DNAH7: variants seen among roughly 807,000 people sequenced by gnomAD.
DNAH7 encodes dynein axonemal heavy chain 7.
In DNAH7, 397 loss-of-function variants were observed where a neutral mutation model predicts 444.6. The ratio of observed to expected loss-of-function variants is 0.89; its 90% CI spans 0.82 to 0.97. The LOEUF (loss-of-function observed/expected upper bound fraction) is 0.97. Ranked by LOEUF, DNAH7 falls within the 50% of genes least tolerant of loss-of-function variation. DNAH7 has a pLI of 0.00. For synonymous variants in DNAH7, 1,636 were observed against 1,624.4 expected, an observed-to-expected ratio of 1.01 and a Z score of -0.17; for missense variants, 4,902 against 4,800.8, an observed-to-expected ratio of 1.02 and a Z score of -0.62.
In DNAH7 at chr2:195,840,563, C is replaced by T. The variant is rs963084860; in HGVS notation, c.8945+4439G>A. On this transcript the variant is annotated intron_variant, in intron 47 of 64. Transcript: ENST00000312428. ...ATTAGAAAGTAGTAAGTTAAACTGT[C>T]ACTAATTGCAAACAGCATGATTGTC... is the stretch of plus-strand genomic sequence containing the variant. Among the ~76,000 whole-genome samples, 4 of 151,674 alleles carry T rather than the reference C, an allele frequency of 2.6e-5. 1 individual carries two copies. The highest frequency in any genetic ancestry group is 1.5e-5 in the Non-Finnish European group (1 of 67,646).
At chr2:196,007,966 A>C (rs2125708706) in intron 10 of DNAH7, among the ~76,000 whole-genome samples, 1 of 152,312 alleles carries the variant, frequency 6.6e-6, no homozygotes, top group African/African-American at 2.4e-5. Flanking sequence ...TTGTGCTTCA[A>C]AGGATACTAT....
chr2:195,890,855 T>A (rs1488620305), intron 31 of DNAH7, among the ~76,000 whole-genome samples: 4 of 152,162 alleles, frequency 2.6e-5, no homozygotes, highest in Admixed American at 6.5e-5. Flanking sequence ...GTAGACAGCA[T>A]CAAGTTTAGA....
At chr2:196,058,863 G>A (rs1418341677) in intron 1 of DNAH7, among the ~76,000 whole-genome samples, 2 of 152,184 alleles carry the variant, frequency 1.3e-5, no homozygotes, top group East Asian at 3.9e-4. Flanking sequence ...AATGTATCAA[G>A]AAGAATCAAA....
At chr2:195,932,840 T>C (rs540025504) in intron 21 of DNAH7, among the ~76,000 whole-genome samples, 11 of 152,280 alleles carry the variant, frequency 7.2e-5, no homozygotes, top group African/African-American at 2.6e-4. Context: ...ATTGAGGATT[T>C]TTGCATCGAT....
intron 27 of DNAH7, chr2:195,904,555 A>G (rs1357267311): frequency 6.6e-6 from 1 of 152,170 alleles, no homozygotes; most frequent in Non-Finnish European, 1.5e-5. Flanking sequence ...AGTTTTTTAA[A>G]GCTGAAGATT....
In DNAH7 at chr2:196,068,487, T is replaced by G. The variant is rs994534480; in HGVS notation, c.15+210A>C. 6 of 658,082 alleles carry G rather than the reference T, an allele frequency of 9.1e-6. 1 individual carries two copies. Among genetic ancestry groups the G allele is most frequent in the African/African-American group, 7.5e-5 (4 of 53,640 alleles). 40.8% of individuals were successfully genotyped at this position (658,082 alleles called of 1,614,324 possible). A position where few individuals can be genotyped will look rare whatever the true frequency, so the allele number is the denominator to read the frequency against. ...GCTAGGCGGCTAGGTTTGGTTGTTA[T>G]GACGACCAAGGGCAAACAGCTGGGA... On this transcript the variant is annotated intron_variant, in intron 1 of 64. Transcript: ENST00000312428.
chr2:195,785,477 G>T (rs1421844630), intron 58 of DNAH7, among the ~76,000 whole-genome samples: 2 of 151,882 alleles, frequency 1.3e-5, no homozygotes, highest in African/African-American at 4.8e-5. Flanking sequence ...CCTGATCTTG[G>T]TGGGAAAGCT....
chr2:195,748,050 T>C (rs985131206), intron 63 of DNAH7, among the ~76,000 whole-genome samples: 1 of 152,230 alleles, frequency 6.6e-6, no homozygotes. Context: ...AAATTGTCCC[T>C]GTTTGCAGAT....
At chr2:195,946,198 G>T (rs1689792300) in intron 19 of DNAH7, among the ~76,000 whole-genome samples, 1 of 152,054 alleles carries the variant, frequency 6.6e-6, no homozygotes, top group Non-Finnish European at 1.5e-5. Flanking sequence ...GTGCCCTTCT[G>T]CAGACCCCAC....
rs772352977 is a variant in DNAH7 at position 195,923,711 on chromosome 2, C to T, written c.3709G>A (p.Gly1237Arg). Residue 1237 changes from glycine (G) to arginine (R), a missense_variant, in exon 23 of 65, where the codon GGA (glycine) becomes AGA (arginine). By Grantham distance (125) the Gly-to-Arg change is moderately radical. Coordinates refer to ENST00000312428, the MANE Select transcript of DNAH7 (RefSeq NM_018897.3). ...KLSMQNRVTL[G>R]ALVVLDVHAR... ...TGGACATCCAGTACCACAAGTGCTC[C>T]CAGAGTTACGCGATTCTGCATGGAC... is the stretch of plus-strand genomic sequence containing the variant. 4.3e-6 allele frequency: 7 copies of T among 1,613,984 alleles called. No homozygotes were observed. Among genetic ancestry groups the T allele is most frequent in the South Asian group, 1.1e-5 (1 of 91,062 alleles).
chr2:195,935,565 A>T (rs892829509), intron 20 of DNAH7, among the ~76,000 whole-genome samples: 5 of 152,194 alleles, frequency 3.3e-5, no homozygotes, highest in Non-Finnish European at 7.3e-5. Context: ...CAGTCAAAAA[A>T]TCTCTACCAT....
chr2:195,909,910 TTTTTAC>T (rs1312156626), intron 25 of DNAH7, 111 bp downstream of exon 25: 15 of 1,091,724 alleles, frequency 1.4e-5, no homozygotes, highest in Admixed American at 8.4e-5. Context: ...AGTGCTTCAA[TTTTTAC>T]TTTTACTTAA....
In DNAH7 at chr2:195,940,463, T is replaced by C. The variant is rs376757001; in HGVS notation, c.3079-3671A>G. On this transcript the variant is annotated intron_variant, in intron 19 of 64. Transcript: ENST00000312428. ...GGCAATACCATTCAGGATACAGGCATGGGCAAAGACTTCATTGGCTAAAAC... is the reference window on the plus strand; with the variant it reads ...GGCAATACCATTCAGGATACAGGCACGGGCAAAGACTTCATTGGCTAAAAC... 7.9e-5 allele frequency among the ~76,000 whole-genome samples: 12 copies of C among 152,254 alleles called. No homozygotes were observed. The East Asian group carries it at 1.9e-3, about 24-fold the overall frequency.
intron 21 of DNAH7, among the ~76,000 whole-genome samples, chr2:195,928,471 C>CA (rs1688482939): frequency 6.6e-6 from 1 of 151,888 alleles, no homozygotes; most frequent in Non-Finnish European, 1.5e-5. Context: ...AAAGAGTGGC[C>CA]AAAGTGGAAT....
intron 5 of DNAH7, among the ~76,000 whole-genome samples, chr2:196,046,084 G>T (rs573356293): frequency 9.9e-5 from 15 of 151,994 alleles, no homozygotes; most frequent in African/African-American, 3.6e-4. Flanking sequence ...AAACCTCCCA[G>T]TACAATTGTA....
chr2:195,947,172 T>C (rs1689870579), intron 19 of DNAH7, among the ~76,000 whole-genome samples: 1 of 149,334 alleles, frequency 6.7e-6, no homozygotes, highest in African/African-American at 2.4e-5. Context: ...ATATATAGTA[T>C]TTTTAGTAGA....
intron 27 of DNAH7, chr2:195,902,930 A>G (rs1227548963): frequency 6.6e-6 from 1 of 152,180 alleles, no homozygotes; most frequent in Non-Finnish European, 1.5e-5. Flanking sequence ...TGTTGGTAAT[A>G]GCAGTAAGTT....
At chr2:195,845,212 CA>C in intron 46 of DNAH7, 47 bp from the exon 47 acceptor site, 1 of 1,501,188 alleles carries the variant, frequency 6.7e-7, no homozygotes, top group Non-Finnish European at 9.1e-7. Flanking sequence ...TGGAGGTTAT[CA>C]AAAGCATGCT....
intron 27 of DNAH7, among the ~76,000 whole-genome samples, chr2:195,906,406 C>G (rs1687017953): frequency 7.7e-6 from 1 of 129,334 alleles, no homozygotes; most frequent in African/African-American, 3.8e-5. Context: ...CACATACACA[C>G]AGAAACACAC....
Sources: allele counts gnomAD v4.1 joint callset (sites outside exome capture counted in the v4.1 genomes callset), GRCh38; gene constraint gnomAD v4.1.1; transcripts MANE v1.5; gene names NCBI Gene and HGNC (gene_info 2026-07-23, HGNC 2026-07-21).